The following GNG7 variants were observed in gnomAD, a reference collection of about 807,000 sequenced individuals.
GNG7 encodes G protein subunit gamma 7, also known as guanine nucleotide-binding protein G(I)/G(S)/G(O) subunit gamma-7.
In GNG7, 1 loss-of-function variant was observed where a neutral mutation model predicts 4.0. The ratio of observed to expected loss-of-function variants is 0.25; its 90% CI spans 0.09 to 1.18. The LOEUF is 1.18. Among genes scored for constraint, GNG7 ranks in the 50% most tolerant of loss-of-function variants. GNG7 has a pLI of 0.50. For synonymous variants in GNG7, 34 were observed against 36.9 expected, an observed-to-expected ratio of 0.92 and a Z score of 0.29; for missense variants, 86 against 91.9, an observed-to-expected ratio of 0.94 and a Z score of 0.26.
At chr19:2,652,097 C>T (rs1982845815) in intron 1 of GNG7, among the ~76,000 whole-genome samples, 1 of 151,842 alleles carries the variant, frequency 6.6e-6, no homozygotes, top group Non-Finnish European at 1.5e-5. Context: ...ATCGCTTGAA[C>T]CCGGGAGACA....
chr19:2,564,349 G>A (rs796155487), intron 2 of GNG7, among the ~76,000 whole-genome samples: 7 of 152,288 alleles, frequency 4.6e-5, no homozygotes, highest in African/African-American at 1.7e-4. Flanking sequence ...GGGAGGCCGA[G>A]GCGGGAGGAT....
At chr19:2,657,249 T>C (rs1982998230) in intron 1 of GNG7, among the ~76,000 whole-genome samples, 1 of 144,696 alleles carries the variant, frequency 6.9e-6, no homozygotes, top group Non-Finnish European at 1.5e-5. Context: ...CAGGAGGATG[T>C]CTTGAGCCTA....
At chr19:2,615,568 T>C (rs1599423512) in intron 2 of GNG7, among the ~76,000 whole-genome samples, 2 of 146,492 alleles carry the variant, frequency 1.4e-5, no homozygotes, top group East Asian at 4.4e-4. Flanking sequence ...GCTCAAGTGA[T>C]CCTCCTGCCT....
rs1568246179 is a variant in GNG7 at position 2,567,153 on chromosome 19, A to AC, written c.-77-11966_-77-11965insG. Among the ~76,000 whole-genome samples, 511 of 140,902 alleles carry AC rather than the reference A, an allele frequency of 3.6e-3. 3 individuals are homozygous for AC. Among genetic ancestry groups the AC allele is most frequent in the East Asian group, 8.0e-3 (41 of 5,094 alleles). 92.4% of individuals were successfully genotyped at this position (140,902 alleles called of 152,430 possible). ...AAAACAAAAAAAAAACAAAAAAAAA[A>AC]ACACAAAAACAATAACAAAAAACCC... is the stretch of plus-strand genomic sequence containing the variant. On this transcript the variant is annotated intron_variant, in intron 2 of 4. Coordinates refer to ENST00000382159, the MANE Select transcript of GNG7 (RefSeq NM_052847.3).
chr19:2,526,528 A>G (rs1034052254), intron 3 of GNG7, among the ~76,000 whole-genome samples: 11 of 148,456 alleles, frequency 7.4e-5, no homozygotes, highest in Non-Finnish European at 1.5e-4. Flanking sequence ...TCATATTTAT[A>G]TTTATGTCAT....
In GNG7 at chr19:2,634,249, C is replaced by A. The variant is rs1034150685; in HGVS notation, c.-78+11975G>T. On this transcript the variant is annotated intron_variant, in intron 2 of 4. Transcript: ENST00000382159. This position sits in a 1 kb window ranked among gnomAD's most constrained non-coding sequence, Gnocchi z 5.3. ...CTCAGCACTGTGGACATTTGAGGCCCGATTGTTCTCTGGGGTGGGGCCGTC... is the reference window on the plus strand; with the variant it reads ...CTCAGCACTGTGGACATTTGAGGCCAGATTGTTCTCTGGGGTGGGGCCGTC... Among the ~76,000 whole-genome samples, 2 of 152,028 alleles carry A rather than the reference C, an allele frequency of 1.3e-5. No homozygotes were observed. Among genetic ancestry groups the A allele is most frequent in the African/African-American group, 4.8e-5 (2 of 41,386 alleles).
chr19:2,526,993 G>A (rs1026448553), intron 3 of GNG7, among the ~76,000 whole-genome samples: 4 of 151,888 alleles, frequency 2.6e-5, no homozygotes, highest in Admixed American at 2.0e-4. Flanking sequence ...CTACAGGCGC[G>A]CGCCACCACA....
intron 2 of GNG7, among the ~76,000 whole-genome samples, chr19:2,575,790 C>T (rs1423312982): frequency 3.8e-5 from 5 of 133,062 alleles, no homozygotes; most frequent in Non-Finnish European, 8.0e-5. Flanking sequence ...TGCAGACACG[C>T]AGGCACACAC....
chr19:2,539,264 A>C (rs1220048106), intron 3 of GNG7, among the ~76,000 whole-genome samples: 3 of 151,696 alleles, frequency 2.0e-5, no homozygotes, highest in Admixed American at 2.0e-4. Flanking sequence ...ACGACAATAA[A>C]TTAAGGATAT....
At chr19:2,694,422 G>A (rs967736523) in intron 1 of GNG7, among the ~76,000 whole-genome samples, 1 of 152,082 alleles carries the variant, frequency 6.6e-6, no homozygotes, top group Admixed American at 6.5e-5. Flanking sequence ...CTCCTGGCGT[G>A]GAGTGGGTGG....
At chr19:2,682,846 A>G (rs1230120996) in intron 1 of GNG7, among the ~76,000 whole-genome samples, 1 of 151,922 alleles carries the variant, frequency 6.6e-6, no homozygotes, top group Non-Finnish European at 1.5e-5. Context: ...GGTGAGGGGC[A>G]ATCGGAAACC....
chr19:2,682,998 C>G (rs567204362), intron 1 of GNG7, among the ~76,000 whole-genome samples: 3 of 151,822 alleles, frequency 2.0e-5, no homozygotes, highest in African/African-American at 7.3e-5. Flanking sequence ...TTTGGGAGTC[C>G]GAGGCGGGCA....
chr19:2,665,085 A>G (rs1433382499), intron 1 of GNG7, among the ~76,000 whole-genome samples: 1 of 150,726 alleles, frequency 6.6e-6, no homozygotes, highest in East Asian at 2.0e-4. Context: ...GAGGAGGTGA[A>G]TCCCACGAGC....
At chr19:2,641,164 A>T (rs566821653) in intron 2 of GNG7, among the ~76,000 whole-genome samples, 1 of 152,276 alleles carries the variant, frequency 6.6e-6, no homozygotes, top group East Asian at 1.9e-4. Flanking sequence ...CGCCCGGCAG[A>T]TCCCCACGGG....
chr19:2,555,769 G>A (rs1979522585), intron 2 of GNG7, among the ~76,000 whole-genome samples: 1 of 152,122 alleles, frequency 6.6e-6, no homozygotes, highest in Non-Finnish European at 1.5e-5. Context: ...CCAGGCCCCG[G>A]TGATTGGTCT....
chr19:2,511,426 G>A lies in GNG7; in HGVS notation c.*3596C>T, dbSNP rs529968200. On this transcript the variant is annotated 3_prime_UTR_variant, in exon 5 of 5. Coordinates refer to ENST00000382159, the MANE Select transcript of GNG7 (RefSeq NM_052847.3). This position sits in a 1 kb window ranked among gnomAD's most constrained non-coding sequence, Gnocchi z 6.3. Reference sequence around the variant, plus strand: ...CTGGAAACAGGAGACAGGTCTTTACGAAGGTTAGATGGGCAGCGGTTCCGT... The same window carrying A: ...CTGGAAACAGGAGACAGGTCTTTACAAAGGTTAGATGGGCAGCGGTTCCGT... 3 of 152,490 alleles carry A rather than the reference G, an allele frequency of 2.0e-5. No homozygotes were observed. The highest frequency in any genetic ancestry group is 4.1e-4 in the South Asian group (2 of 4,832). The allele number at this position is 152,490 out of a possible 1,614,324, so 9.4% of individuals were successfully genotyped here. A position where few individuals can be genotyped will look rare whatever the true frequency, so the allele number is the denominator to read the frequency against.
chr19:2,639,352 C>A (rs561130873), intron 2 of GNG7, among the ~76,000 whole-genome samples: 28 of 152,056 alleles, frequency 1.8e-4, no homozygotes, highest in African/African-American at 6.5e-4. Context: ...AATCAATGCG[C>A]CTGAGACGCC....
intron 2 of GNG7, among the ~76,000 whole-genome samples, chr19:2,585,437 A>G (rs1179502743): frequency 2.4e-4 from 37 of 152,046 alleles, no homozygotes; most frequent in Admixed American, 2.4e-3. Flanking sequence ...GTGAGAGAAT[A>G]ATAAAAGAAA....
intron 2 of GNG7, among the ~76,000 whole-genome samples, chr19:2,587,346 G>A (rs1278636897): frequency 2.6e-5 from 4 of 152,134 alleles, no homozygotes; most frequent in Non-Finnish European, 4.4e-5. Flanking sequence ...TTCCTCTGCC[G>A]GGGAAGCTCA....
Sources: gnomAD v4.1 joint callset for allele counts (sites outside exome capture counted in the v4.1 genomes callset) on GRCh38, gnomAD v4.1.1 for gene constraint, Gnocchi (gnomAD v3.1) non-coding constraint, MANE v1.5 for transcripts, NCBI Gene and HGNC (gene_info 2026-07-23, HGNC 2026-07-21) for gene names.